LINGO2: variants seen among roughly 807,000 people sequenced by gnomAD.
The protein encoded by LINGO2 is leucine-rich repeat and immunoglobulin-like domain-containing nogo receptor-interacting protein 2.
In LINGO2, 14 loss-of-function variants were observed where a neutral mutation model predicts 30.6. That is an observed-to-expected ratio of 0.46 (90% CI 0.30 to 0.72). The LOEUF (loss-of-function observed/expected upper bound fraction) is 0.72, where lower values mean the gene tolerates loss of function less well. LINGO2 is among the 30% of genes least tolerant of loss of function. The probability of loss-of-function intolerance (pLI) is 0.07; values close to 1 mark genes in which losing one functional copy is unlikely to be tolerated. For missense variants in LINGO2, 729 were observed against 751.7 expected (o/e 0.97, Z 0.35); for synonymous variants, 317 against 288.5 (o/e 1.10, Z -1.00).
intron 2 of LINGO2, among the ~76,000 whole-genome samples, chr9:28,401,641 G>A (rs1455487404): frequency 1.3e-5 from 2 of 152,120 alleles, no homozygotes; most frequent in African/African-American, 4.8e-5. Flanking sequence ...AATACTTTGG[G>A]TATCTACCCA....
chr9:29,164,192 G>C, the LINGO2 span, among the ~76,000 whole-genome samples: 14 of 152,098 alleles, frequency 9.2e-5, no homozygotes, highest in South Asian at 2.9e-3. Context: ...TCATGTGAGT[G>C]AGTTATCATA....
chr9:28,447,655 G>A (rs1487142684), intron 2 of LINGO2, among the ~76,000 whole-genome samples: 1 of 152,148 alleles, frequency 6.6e-6, no homozygotes, highest in Non-Finnish European at 1.5e-5. Flanking sequence ...GATTGAAACT[G>A]TTAGCTTTCA....
At chr9:29,074,323 C>A in the LINGO2 span, among the ~76,000 whole-genome samples, 1 of 151,912 alleles carries the variant, frequency 6.6e-6, no homozygotes, top group Non-Finnish European at 1.5e-5. Context: ...AACATAGAAG[C>A]CAATATTTAA....
chr9:28,290,265 T>C (rs776237615), intron 4 of LINGO2, among the ~76,000 whole-genome samples: 4 of 152,182 alleles, frequency 2.6e-5, no homozygotes, highest in Admixed American at 6.5e-5. Flanking sequence ...AGCGCTGTAT[T>C]AAGTATTGGT....
At chr9:28,540,871 C>G (rs1440377025) in intron 1 of LINGO2, among the ~76,000 whole-genome samples, 1 of 152,204 alleles carries the variant, frequency 6.6e-6, no homozygotes, top group Non-Finnish European at 1.5e-5. Flanking sequence ...TGTACACCAA[C>G]TTAACCTACT....
At chr9:28,238,151 A>AG (rs1821647359) in intron 4 of LINGO2, among the ~76,000 whole-genome samples, 1 of 150,046 alleles carries the variant, frequency 6.7e-6, no homozygotes. Flanking sequence ...ATTAGAACTA[A>AG]AGAGAGAGAG....
chr9:27,978,366 C>T (rs1820701905), intron 5 of LINGO2, among the ~76,000 whole-genome samples: 1 of 152,060 alleles, frequency 6.6e-6, no homozygotes, highest in South Asian at 2.1e-4. Flanking sequence ...GTTTGCATTA[C>T]TGCAAAATTT....
intron 2 of LINGO2, among the ~76,000 whole-genome samples, chr9:28,467,708 T>G (rs1825370349): frequency 6.6e-6 from 1 of 152,096 alleles, no homozygotes; most frequent in Non-Finnish European, 1.5e-5. Flanking sequence ...TCCACTGGAA[T>G]TTTTTTAAAG....
the LINGO2 span, among the ~76,000 whole-genome samples, chr9:29,187,185 A>G: frequency 6.6e-6 from 1 of 152,152 alleles, no homozygotes; most frequent in Non-Finnish European, 1.5e-5. Context: ...CAATCAATTC[A>G]CTTTCATAGA....
At chr9:28,926,559 C>T in the LINGO2 span, among the ~76,000 whole-genome samples, 2 of 152,136 alleles carry the variant, frequency 1.3e-5, no homozygotes, top group African/African-American at 4.8e-5. Context: ...GAATTCCTCA[C>T]CCCTGCCACA....
At chr9:28,302,728 G>A (rs1488147527) in intron 3 of LINGO2, among the ~76,000 whole-genome samples, 8 of 152,102 alleles carry the variant, frequency 5.3e-5, no homozygotes, top group Non-Finnish European at 7.4e-5. Flanking sequence ...TGAATCAAAA[G>A]TAACACAATA....
the LINGO2 span, among the ~76,000 whole-genome samples, chr9:28,937,152 TC>T: frequency 3.9e-5 from 6 of 152,018 alleles, no homozygotes; most frequent in African/African-American, 7.2e-5. Context: ...TACCCTCTGG[TC>T]CCCCAAAATT....
At chr9:28,444,936 A>T (rs993709403) in intron 2 of LINGO2, among the ~76,000 whole-genome samples, 2 of 152,184 alleles carry the variant, frequency 1.3e-5, no homozygotes, top group Non-Finnish European at 2.9e-5. Context: ...GCCCAGTGAA[A>T]GCAAGCCATA....
chr9:28,754,133 T>C, the LINGO2 span, among the ~76,000 whole-genome samples: 1 of 151,896 alleles, frequency 6.6e-6, no homozygotes, highest in Non-Finnish European at 1.5e-5. Context: ...AGACTATCCG[T>C]AAGAAAGTGG....
the LINGO2 span, among the ~76,000 whole-genome samples, chr9:29,130,754 G>C: frequency 1.8e-3 from 277 of 152,132 alleles, 2 homozygotes; most frequent in Middle Eastern, 0.01. Context: ...AGGAGATAAG[G>C]TACTTGTTAA....
intron 2 of LINGO2, among the ~76,000 whole-genome samples, chr9:28,404,442 T>A (rs1822409592): frequency 6.6e-6 from 1 of 152,176 alleles, no homozygotes; most frequent in Non-Finnish European, 1.5e-5. Context: ...ACTGAAAGTC[T>A]CATAGATGTT....
the LINGO2 span, among the ~76,000 whole-genome samples, chr9:29,187,888 A>C: frequency 6.9e-6 from 1 of 144,726 alleles, no homozygotes; most frequent in African/African-American, 2.4e-5. Flanking sequence ...TTTACCAGAA[A>C]TGTAGCTGAT....
intron 1 of LINGO2, among the ~76,000 whole-genome samples, chr9:28,526,404 A>G (rs1821041729): frequency 6.6e-6 from 1 of 152,208 alleles, no homozygotes; most frequent in Admixed American, 6.5e-5. Context: ...ACTCAGAGAG[A>G]CTAGCTTCCA....
At chr9:29,008,140 T>C in the LINGO2 span, among the ~76,000 whole-genome samples, 3 of 152,124 alleles carry the variant, frequency 2.0e-5, no homozygotes, top group Non-Finnish European at 4.4e-5. Flanking sequence ...AGTGTTCTCA[T>C]TGTTCAATTC....
Sources: allele counts gnomAD v4.1 joint callset (sites outside exome capture counted in the v4.1 genomes callset), GRCh38; gene constraint gnomAD v4.1.1; transcripts MANE v1.5; gene names NCBI Gene and HGNC (gene_info 2026-07-23, HGNC 2026-07-21).